Variants in TCEANC2 observed in about 807,000 individuals in gnomAD.
The protein encoded by TCEANC2 is transcription elongation factor A N-terminal and central domain containing 2, also known as transcription elongation factor A N-terminal and central domain-containing protein 2.
A neutral mutation model predicts 22.8 loss-of-function variants in TCEANC2; 20 were observed. That is an observed-to-expected ratio of 0.88 (90% CI 0.62 to 1.28). The LOEUF (loss-of-function observed/expected upper bound fraction) is 1.28, where lower values mean the gene tolerates loss of function less well. Among genes scored for constraint, TCEANC2 ranks in the 50% most tolerant of loss-of-function variants. The probability of loss-of-function intolerance (pLI) is 0.00; values close to 1 mark genes in which losing one functional copy is unlikely to be tolerated. For synonymous variants in TCEANC2, 84 were observed against 95.5 expected, an observed-to-expected ratio of 0.88 and a Z score of 0.70; for missense variants, 251 against 249.7, an observed-to-expected ratio of 1.01 and a Z score of -0.03.
In TCEANC2 at chr1:54,101,360, A is replaced by G. The variant is rs1168631576; in HGVS notation, c.*4887A>G. 1.3e-5 allele frequency: 2 copies of G among 152,236 alleles called. No individual in the cohort carries two copies. The highest frequency in any genetic ancestry group is 3.8e-4 in the East Asian group (2 of 5,204). 9.4% of individuals were successfully genotyped at this position (152,236 alleles called of 1,614,324 possible). On this transcript the variant is annotated 3_prime_UTR_variant, in exon 5 of 5. Transcript: ENST00000234827. ...AAAGGAAAGATGGTTTGATTGGATG[A>G]CATTGTATTTTCTTTAAATCAATCA...
chr1:54,059,546 A>C (rs950840802), intron 2 of TCEANC2, among the ~76,000 whole-genome samples: 2 of 152,210 alleles, frequency 1.3e-5, no homozygotes, highest in African/African-American at 2.4e-5. Context: ...CAAATAAATG[A>C]ATGTTGAAAT....
chr1:54,083,581 G>T (rs542935086), intron 3 of TCEANC2, among the ~76,000 whole-genome samples: 3 of 152,188 alleles, frequency 2.0e-5, no homozygotes, highest in African/African-American at 7.2e-5. Flanking sequence ...AGGGACTTCT[G>T]TATTATTTCT....
intron 4 of TCEANC2, chr1:54,089,902 G>A (rs1658410209): frequency 2.7e-6 from 2 of 731,154 alleles, no homozygotes; most frequent in Non-Finnish European, 4.8e-6. Context: ...CAAGTTTGAA[G>A]CATTCAGCAA....
intron 3 of TCEANC2, among the ~76,000 whole-genome samples, chr1:54,084,503 C>A (rs1658301361): frequency 6.6e-6 from 1 of 152,222 alleles, no homozygotes; most frequent in South Asian, 2.1e-4. Flanking sequence ...AGGCTAAATT[C>A]CCAGGGCTGT....
chr1:54,077,411 A>G (rs1279378929), intron 3 of TCEANC2, among the ~76,000 whole-genome samples: 3 of 148,794 alleles, frequency 2.0e-5, no homozygotes, highest in African/African-American at 7.3e-5. Flanking sequence ...TTCTCCCACA[A>G]CCACTATTCT....
At chr1:54,076,754 G>A (rs1462327835) in intron 3 of TCEANC2, among the ~76,000 whole-genome samples, 1 of 152,202 alleles carries the variant, frequency 6.6e-6, no homozygotes, top group Admixed American at 6.5e-5. Flanking sequence ...ATTCATTCAT[G>A]TGCCAGGCAG....
intron 3 of TCEANC2, among the ~76,000 whole-genome samples, chr1:54,071,010 C>A (rs372583188): frequency 6.6e-6 from 1 of 152,074 alleles, no homozygotes; most frequent in South Asian, 2.1e-4. Flanking sequence ...GGGCACATCA[C>A]GTGAGCTGTA....
chr1:54,070,032 G>GGA (rs1258104984), intron 3 of TCEANC2, among the ~76,000 whole-genome samples: 1 of 152,160 alleles, frequency 6.6e-6, no homozygotes, highest in African/African-American at 2.4e-5. Flanking sequence ...ATGAGAAGCA[G>GGA]GAGAGAGAGC....
At chr1:54,085,492 T>C (rs556839366) in intron 3 of TCEANC2, among the ~76,000 whole-genome samples, 95 of 152,342 alleles carry the variant, frequency 6.2e-4, no homozygotes, top group African/African-American at 2.3e-3. Flanking sequence ...TTTTTAAAAT[T>C]CCCTATCCAT....
chr1:54,071,592 A>G (rs1397522767), intron 3 of TCEANC2, among the ~76,000 whole-genome samples: 2 of 152,186 alleles, frequency 1.3e-5, no homozygotes, highest in East Asian at 1.9e-4. Flanking sequence ...GAAGTGATAT[A>G]TCATCAGTTT....
chr1:54,059,735 C>G (rs1657817021), intron 2 of TCEANC2, among the ~76,000 whole-genome samples: 1 of 152,154 alleles, frequency 6.6e-6, no homozygotes, highest in African/African-American at 2.4e-5. Context: ...ATGTTCTGAT[C>G]TGCTCCAAAA....
At chr1:54,071,432 G>T (rs1658053955) in intron 3 of TCEANC2, among the ~76,000 whole-genome samples, 1 of 152,292 alleles carries the variant, frequency 6.6e-6, no homozygotes, top group African/African-American at 2.4e-5. Flanking sequence ...ATTGCTGGCA[G>T]GAGGCCTCAG....
intron 3 of TCEANC2, among the ~76,000 whole-genome samples, chr1:54,074,418 A>C (rs559829227): frequency 2.2e-4 from 33 of 152,200 alleles, no homozygotes; most frequent in Admixed American, 1.0e-3. Flanking sequence ...AGCCGAGATC[A>C]TGCCCCTGCA....
Position 54,054,384 on chromosome 1 carries a change from A to G in TCEANC2, c.-39A>G. On this transcript the variant is annotated 5_prime_UTR_variant, in exon 2 of 5. Transcript: ENST00000234827. Reference sequence around the variant, plus strand: ...ATCTGCCCTCTTTCTTGACCAGAACACGCTGCAAGCACGTCAAGGTAGTCG... The same window carrying G: ...ATCTGCCCTCTTTCTTGACCAGAACGCGCTGCAAGCACGTCAAGGTAGTCG... 1.2e-6 allele frequency: 2 copies of G among 1,612,744 alleles called. No homozygotes were observed. Among genetic ancestry groups the G allele is most frequent in the South Asian group, 2.2e-5 (2 of 90,712 alleles).
rs779950368 is a variant in TCEANC2 at position 54,057,228 on chromosome 1, GT to G, written c.102+2720del. The stretch of plus-strand genomic sequence containing the variant: ...TCATATCCAATTTTCTTTTTTCTTT[GT>G]TTTTTTTTTTTTTTTAGGGTCTCGC... On this transcript the variant is annotated intron_variant, in intron 2 of 4. Transcript: ENST00000234827. Among the ~76,000 whole-genome samples the G allele has an allele frequency of 2.9e-3, 293 of 99,932 alleles. 1 individual carries two copies. Among genetic ancestry groups the G allele is most frequent in the African/African-American group, 4.3e-3 (121 of 27,830 alleles). 65.6% of individuals were successfully genotyped at this position (99,932 alleles called of 152,430 possible).
At chr1:54,054,180 A>G (rs1366728187) in intron 1 of TCEANC2, 1 of 1,332,050 alleles carries the variant, frequency 7.5e-7, no homozygotes, top group Admixed American at 3.2e-5. Context: ...CTCCTAACTC[A>G]GGACGTAGAC....
intron 3 of TCEANC2, among the ~76,000 whole-genome samples, chr1:54,070,804 T>C (rs1266030311): frequency 6.6e-6 from 1 of 152,320 alleles, no homozygotes; most frequent in East Asian, 1.9e-4. Flanking sequence ...CTTTCCTGTG[T>C]TGGGAACTAT....
Position 54,088,587 on chromosome 1 carries a change from C to G in TCEANC2, c.245-10C>G, listed in dbSNP as rs745773199. ...CAACCTTTCCTTTGGTTTTTCTCTTCCTGTTCCAGGTCACACTGTGAACAA... is the reference window on the plus strand; with the variant it reads ...CAACCTTTCCTTTGGTTTTTCTCTTGCTGTTCCAGGTCACACTGTGAACAA... On this transcript the variant is annotated splice_polypyrimidine_tract_variant and intron_variant, in intron 3 of 4. Transcript: ENST00000234827. 4.0e-5 allele frequency: 64 copies of G among 1,587,990 alleles called. No homozygotes were observed. The highest frequency in any genetic ancestry group is 4.9e-5 in the Non-Finnish European group (57 of 1,171,702).
intron 3 of TCEANC2, among the ~76,000 whole-genome samples, chr1:54,085,178 A>G (rs1658316119): frequency 1.3e-5 from 2 of 152,152 alleles, no homozygotes; most frequent in Non-Finnish European, 1.5e-5. Context: ...TTCCCTTCAA[A>G]GTTTTATTTT....
Sources: gnomAD v4.1 joint callset for allele counts (sites outside exome capture counted in the v4.1 genomes callset) on GRCh38, gnomAD v4.1.1 for gene constraint, MANE v1.5 for transcripts, NCBI Gene and HGNC (gene_info 2026-07-23, HGNC 2026-07-21) for gene names.